Variants in SERF2 observed in about 807,000 individuals in gnomAD.
The protein encoded by SERF2 is gastric cancer-related protein VRG107.
A neutral mutation model predicts 10.7 loss-of-function variants in SERF2; 4 were observed. The observed-to-expected ratio is 0.37, with a 90% confidence interval of 0.18 to 0.86. The LOEUF (loss-of-function observed/expected upper bound fraction) is 0.86. Ranked by LOEUF, SERF2 falls within the 40% of genes least tolerant of loss-of-function variation. SERF2 has a pLI of 0.43. For missense variants in SERF2, 47 were observed against 79.1 expected, an observed-to-expected ratio of 0.59 and a Z score of 1.54; for synonymous variants, 26 against 26.0, an observed-to-expected ratio of 1.00 and a Z score of 0.01.
rs765520151 is a variant in SERF2 at position 43,793,854 on chromosome 15, T to C, written c.*81T>C. 1 of 1,613,494 alleles carries C rather than the reference T, an allele frequency of 6.2e-7. No homozygotes were observed. The highest frequency in any genetic ancestry group is 1.7e-5 in the Admixed American group (1 of 59,782). ...CCCACCACGCTCGCGTTTCCTCCTG[T>C]AGTGCTCACAGGTCCCAGCACCGAT... On this transcript the variant is annotated 3_prime_UTR_variant, in exon 3 of 3. Coordinates refer to ENST00000249786, the MANE Select transcript of SERF2 (RefSeq NM_001018108.4).
At position 43,795,502 on chromosome 15, in the gene SERF2, G is replaced by A; in HGVS notation, c.*1729G>A. Reference sequence around the variant, plus strand: ...GACTTGGACTGGAGGAGCTGGAGGGGTTTCTTGGTCAGCTGGCCTCGCAGC... The same window carrying A: ...GACTTGGACTGGAGGAGCTGGAGGGATTTCTTGGTCAGCTGGCCTCGCAGC... On this transcript the variant is annotated 3_prime_UTR_variant, in exon 3 of 3. Transcript: ENST00000249786. 1 of 1,614,210 alleles carries A rather than the reference G, an allele frequency of 6.2e-7. No homozygotes were observed.
chr15:43,795,819 G>T lies in SERF2; in HGVS notation c.*2046G>T. ...AGGAAACTTCCCCCGTGAAAAGATT[G>T]GTCTAGTATTAAAAAGTGGAGGCAC... On this transcript the variant is annotated 3_prime_UTR_variant, in exon 3 of 3. Coordinates refer to ENST00000249786, the MANE Select transcript of SERF2 (RefSeq NM_001018108.4). 1 of 1,444,214 alleles carries T rather than the reference G, an allele frequency of 6.9e-7. No homozygotes were observed. Among genetic ancestry groups the T allele is most frequent in the African/African-American group, 1.4e-5 (1 of 70,968 alleles). The allele number at this position is 1,444,214 out of a possible 1,614,324, so 89.5% of individuals were successfully genotyped here. A position where few individuals can be genotyped will look rare whatever the true frequency, so the allele number is the denominator to read the frequency against.
At chr15:43,783,896 G>A (rs1391814938) in intron 1 of SERF2, among the ~76,000 whole-genome samples, 2 of 149,514 alleles carry the variant, frequency 1.3e-5, no homozygotes, top group East Asian at 3.9e-4. Flanking sequence ...GGAGTAGCTG[G>A]GACTACAAGC....
intron 1 of SERF2, among the ~76,000 whole-genome samples, chr15:43,783,927 ATTTTTTTTTTT>A (rs71111825): frequency 1.8e-3 from 89 of 48,156 alleles, no homozygotes; most frequent in South Asian, 5.4e-3. Flanking sequence ...ACGCCCAGCT[ATTTTTTTTTTT>A]TTTTTTTTTT....
At chr15:43,777,157 T>C in exon 1 of SERF2, 1 of 668,462 alleles carries the variant, frequency 1.5e-6, no homozygotes. Context: ...CGCTTTGGGC[T>C]ATCGGAAGAG....
In SERF2 at chr15:43,795,792, C is replaced by T. The variant is rs547487335; in HGVS notation, c.*2019C>T. ...TCTTAAAAGATGTGAGGGTGTTAATCTAGGAAACTTCCCCCGTGAAAAGAT... is the reference window on the plus strand; with the variant it reads ...TCTTAAAAGATGTGAGGGTGTTAATTTAGGAAACTTCCCCCGTGAAAAGAT... On this transcript the variant is annotated 3_prime_UTR_variant, in exon 3 of 3. Transcript: ENST00000249786. 4.2e-5 allele frequency: 65 copies of T among 1,563,898 alleles called. No homozygotes were observed. In the African/African-American group the frequency reaches 7.2e-4, roughly 17 times the overall value.
At chr15:43,784,341 A>G (rs2086988135) in intron 1 of SERF2, among the ~76,000 whole-genome samples, 1 of 152,154 alleles carries the variant, frequency 6.6e-6, no homozygotes, top group South Asian at 2.1e-4. Flanking sequence ...TTTTTATCTC[A>G]GAAGCCATTA....
intron 1 of SERF2, among the ~76,000 whole-genome samples, chr15:43,779,487 A>ATATT (rs939409002): frequency 1.8e-4 from 27 of 152,132 alleles, no homozygotes; most frequent in African/African-American, 4.6e-4. Flanking sequence ...AAAAAATTAC[A>ATATT]TATTTATTTA....
intron 2 of SERF2, 144 bp from the exon 3 acceptor site, chr15:43,793,566 G>C: frequency 6.5e-7 from 1 of 1,530,396 alleles, no homozygotes; most frequent in Non-Finnish European, 8.8e-7. Context: ...TCTTCCTCTT[G>C]TTCTCCTAGG....
chr15:43,790,370 G>A (rs1026839927), upstream of SERF2, among the ~76,000 whole-genome samples: 5 of 152,100 alleles, frequency 3.3e-5, no homozygotes, highest in Admixed American at 3.3e-4. Context: ...GGATATTAGA[G>A]AGAGAGAGGC....
chr15:43,793,544 G>C (rs751950090), intron 2 of SERF2, 166 bp from the exon 3 acceptor site: 23 of 1,488,018 alleles, frequency 1.5e-5, no homozygotes, highest in Non-Finnish European at 2.1e-5. Flanking sequence ...GTCGCCTTTT[G>C]AGCCTCAGCT....
intron 1 of SERF2, among the ~76,000 whole-genome samples, chr15:43,782,014 G>C (rs1055859932): frequency 6.6e-6 from 1 of 151,324 alleles, no homozygotes; most frequent in Admixed American, 6.6e-5. Flanking sequence ...TCAGCCTCCC[G>C]AGTACCTGGG....
Position 43,794,222 on chromosome 15 carries a change from A to G in SERF2, c.*449A>G. 2.1e-6 allele frequency: 1 copy of G among 482,052 alleles called. No individual in the cohort carries two copies. The highest frequency in any genetic ancestry group is 3.7e-6 in the Non-Finnish European group (1 of 271,870). The allele number at this position is 482,052 out of a possible 1,614,324, so 29.9% of individuals were successfully genotyped here. A position where few individuals can be genotyped will look rare whatever the true frequency, so the allele number is the denominator to read the frequency against. ...AATGACAACCAAACAAGTACTCCGG[A>G]TATGCAGTAGAGGAATCCTCTAAGA... On this transcript the variant is annotated 3_prime_UTR_variant, in exon 3 of 3. Coordinates refer to ENST00000249786, the MANE Select transcript of SERF2 (RefSeq NM_001018108.4).
exon 1 of SERF2, chr15:43,777,109 C>T: frequency 1.2e-6 from 1 of 803,654 alleles, no homozygotes; most frequent in Non-Finnish European, 2.1e-6. Flanking sequence ...CGGCCAACCG[C>T]CCGGACCTCG....
rs773710636 is a variant in SERF2, at chr15:43,794,985, G to C, written c.*1212G>C. ...GGAGTACAATGTCAGGGGAACCCCA[G>C]TTTGTGAAAAGGACTTAGACTGGAG... On this transcript the variant is annotated 3_prime_UTR_variant, in exon 3 of 3. Transcript: ENST00000249786. 1.9e-6 allele frequency: 3 copies of C among 1,595,204 alleles called. No homozygotes were observed. The highest frequency in any genetic ancestry group is 1.3e-5 in the African/African-American group (1 of 74,526).
intron 1 of SERF2, among the ~76,000 whole-genome samples, chr15:43,779,979 CTT>C (rs929170446): frequency 1.3e-5 from 2 of 152,074 alleles, no homozygotes; most frequent in Non-Finnish European, 2.9e-5. Context: ...ATTCAGCACA[CTT>C]TGTAATTATA....
In SERF2 at chr15:43,795,949, T is replaced by A; in HGVS notation, c.*2176T>A. 1 of 641,364 alleles carries A rather than the reference T, an allele frequency of 1.6e-6. No homozygotes were observed. Among genetic ancestry groups the A allele is most frequent in the East Asian group, 2.7e-5 (1 of 36,614 alleles). The allele number at this position is 641,364 out of a possible 1,614,324, so 39.7% of individuals were successfully genotyped here. On this transcript the variant is annotated 3_prime_UTR_variant, in exon 3 of 3. Coordinates refer to ENST00000249786, the MANE Select transcript of SERF2 (RefSeq NM_001018108.4). ...TTCTCCATTTGTAAAATGGAGCAAA[T>A]ACCTACCTCACAGGGTTGTTGTGAG...
chr15:43,792,336 A>C lies in SERF2; in HGVS notation c.-41A>C, dbSNP rs2087077959. ...GGGACCTGCAACGTCCGACAGAACG[A>C]GGGGACGTAACGGAGGCAGGTTGGA... On this transcript the variant is annotated 5_prime_UTR_variant, in exon 1 of 3. Transcript: ENST00000249786. The C allele has an allele frequency of 1.3e-6, 2 of 1,517,526 alleles. No homozygotes were observed. The highest frequency in any genetic ancestry group is 4.5e-5 in the East Asian group (2 of 44,338). 94.0% of individuals were successfully genotyped at this position (1,517,526 alleles called of 1,614,324 possible). A position where few individuals can be genotyped will look rare whatever the true frequency, so the allele number is the denominator to read the frequency against.
At chr15:43,777,356 G>A (rs1477089089) in exon 1 of SERF2, 1 of 323,848 alleles carries the variant, frequency 3.1e-6, no homozygotes, top group Non-Finnish European at 6.2e-6. Flanking sequence ...GTTGGTAGGC[G>A]GGCTCAGCGG....
Sources: allele counts gnomAD v4.1 joint callset (sites outside exome capture counted in the v4.1 genomes callset), GRCh38; gene constraint gnomAD v4.1.1; transcripts MANE v1.5; gene names NCBI Gene and HGNC (gene_info 2026-07-23, HGNC 2026-07-21).